PRDM16: variants seen among roughly 807,000 people sequenced by gnomAD.
PRDM16 encodes the protein histone-lysine N-methyltransferase PRDM16.
PRDM16 carries 23 observed loss-of-function variants against 110.6 expected under a neutral mutation model. The ratio of observed to expected loss-of-function variants is 0.21; its 90% CI spans 0.15 to 0.29. The LOEUF (loss-of-function observed/expected upper bound fraction) is 0.29. Ranked by LOEUF, PRDM16 falls within the 10% of genes least tolerant of loss-of-function variation. The pLI, the probability that PRDM16 is intolerant of heterozygous loss-of-function variation, is 1.00. For synonymous variants in PRDM16, 799 were observed against 781.8 expected (o/e 1.02, Z -0.37); for missense variants, 1,615 against 1,794.3 (o/e 0.90, Z 1.81).
At chr1:3,276,909 C>T (rs1245452228) in intron 3 of PRDM16, among the ~76,000 whole-genome samples, 1 of 152,182 alleles carries the variant, frequency 6.6e-6, no homozygotes, top group Non-Finnish European at 1.5e-5. Flanking sequence ...TTCAGCACTT[C>T]CTCCGCCATC....
chr1:3,311,017 G>A (rs943478160), intron 3 of PRDM16, among the ~76,000 whole-genome samples: 2 of 152,112 alleles, frequency 1.3e-5, no homozygotes, highest in African/African-American at 2.4e-5. Flanking sequence ...GTGTGTGAGC[G>A]CCAGCATGGT....
intron 3 of PRDM16, among the ~76,000 whole-genome samples, chr1:3,331,238 G>T (rs1642035150): frequency 6.6e-6 from 1 of 151,998 alleles, no homozygotes; most frequent in African/African-American, 2.4e-5. Flanking sequence ...CTTCTCCACT[G>T]CCCCTTCCCC....
At chr1:3,427,547 G>A (rs955383748) in intron 14 of PRDM16, among the ~76,000 whole-genome samples, 5 of 152,146 alleles carry the variant, frequency 3.3e-5, no homozygotes, top group Admixed American at 6.5e-5. Context: ...CCAGGGCAGG[G>A]CTGCGTCTTC....
rs565285366 is a variant in PRDM16 at position 3,209,575 on chromosome 1, C to T, written c.387+23101C>T. The stretch of plus-strand genomic sequence containing the variant: ...TTCCAAAGGAAGCTCCCTGTGGGTG[C>T]GCGTGGAAGCTGAGCGCCTCAGTGG... On this transcript the variant is annotated intron_variant, in intron 2 of 16. Coordinates refer to ENST00000270722, the MANE Select transcript of PRDM16 (RefSeq NM_022114.4). This position sits in a 1 kb window ranked among gnomAD's most constrained non-coding sequence, Gnocchi z 4.6. Among the ~76,000 whole-genome samples, 29 of 152,326 alleles carry T rather than the reference C, an allele frequency of 1.9e-4. No homozygotes were observed. The highest frequency in any genetic ancestry group is 3.4e-3 in the Middle Eastern group (1 of 294).
rs767660980 is a variant in PRDM16 at position 3,412,261 on chromosome 1, C to T, written c.2064C>T (p.Ala688=). The T allele has an allele frequency of 1.3e-5, 21 of 1,612,962 alleles. No homozygotes were observed. Among genetic ancestry groups the T allele is most frequent in the African/African-American group, 5.3e-5 (4 of 74,918 alleles). The change falls in exon 9 of 17, where the codon GCC becomes GCT. Residue 688 remains alanine, a synonymous_variant. Transcript: ENST00000270722. ...AGCAGCTGCTGACTGCAACGGGCGC[C>T]GCCGGGGACTCCATCAAGGCCATCG... is the stretch of plus-strand genomic sequence containing the variant. The part of the protein sequence containing the change: ...PDEQLLTATG[A]AGDSIKAIAS...
chr1:3,393,303 C>A (rs895278623), intron 4 of PRDM16, among the ~76,000 whole-genome samples: 22 of 152,342 alleles, frequency 1.4e-4, no homozygotes, highest in Admixed American at 6.5e-5. Context: ...TCCTTTCCGG[C>A]GGCCAGTCGT....
chr1:3,162,632 C>T (rs1416451066), intron 1 of PRDM16, among the ~76,000 whole-genome samples: 4 of 152,196 alleles, frequency 2.6e-5, no homozygotes, highest in Admixed American at 2.0e-4. Context: ...GGATTGACAG[C>T]GGCGAGCCCG....
intron 2 of PRDM16, among the ~76,000 whole-genome samples, chr1:3,219,876 C>T (rs566229145): frequency 6.6e-6 from 1 of 152,222 alleles, no homozygotes; most frequent in Non-Finnish European, 1.5e-5. Flanking sequence ...CCAGCTCCCC[C>T]ACAGGCATGA....
intron 1 of PRDM16, among the ~76,000 whole-genome samples, chr1:3,105,707 A>G (rs1024127755): frequency 2.6e-5 from 4 of 152,214 alleles, no homozygotes; most frequent in African/African-American, 9.6e-5. Flanking sequence ...CAGTAATTAC[A>G]TTCCTAACTC....
intron 1 of PRDM16, among the ~76,000 whole-genome samples, chr1:3,072,990 A>T (rs1641804337): frequency 6.6e-6 from 1 of 152,224 alleles, no homozygotes; most frequent in Non-Finnish European, 1.5e-5. Context: ...CCTTGGGGAC[A>T]GGCACCGGCC....
At chr1:3,402,525 G>A (rs930858163) in intron 5 of PRDM16, among the ~76,000 whole-genome samples, 6 of 152,226 alleles carry the variant, frequency 3.9e-5, no homozygotes, top group African/African-American at 1.4e-4. Flanking sequence ...AGGCAGGGCC[G>A]GGTGTCGCCC....
chr1:3,214,211 T>C (rs544678835), intron 2 of PRDM16, among the ~76,000 whole-genome samples: 7 of 152,318 alleles, frequency 4.6e-5, no homozygotes, highest in South Asian at 4.1e-4. Flanking sequence ...CATTCTCCTA[T>C]TGGACACAAA....
Position 3,143,800 on chromosome 1 carries a change from G to A in PRDM16, c.38-42325G>A, listed in dbSNP as rs996215880. Among the ~76,000 whole-genome samples the A allele has an allele frequency of 1.2e-4, 18 of 152,148 alleles. No individual in the cohort carries two copies. Among genetic ancestry groups the A allele is most frequent in the Admixed American group, 9.2e-4 (14 of 15,282 alleles). ...CTTATTCTTTTTTTCTAAATAGTGA[G>A]GCCCAGAGTGCAGGTGTGTGTCACA... is the stretch of plus-strand genomic sequence containing the variant. On this transcript the variant is annotated intron_variant, in intron 1 of 16. Coordinates refer to ENST00000270722, the MANE Select transcript of PRDM16 (RefSeq NM_022114.4). The surrounding 1 kb of genome is among the most constrained non-coding windows in gnomAD (Gnocchi z 4.5).
chr1:3,171,954 G>C (rs1393641129), intron 1 of PRDM16, among the ~76,000 whole-genome samples: 2 of 152,182 alleles, frequency 1.3e-5, no homozygotes, highest in Admixed American at 1.3e-4. Context: ...GCCACCGGGG[G>C]AGCTGCGATC....
At chr1:3,087,216 C>G (rs1642170390) in intron 1 of PRDM16, among the ~76,000 whole-genome samples, 2 of 147,400 alleles carry the variant, frequency 1.4e-5, no homozygotes, top group Non-Finnish European at 3.0e-5. Context: ...CCACCCGAGA[C>G]CAGCCCCACC....
Position 3,430,859 on chromosome 1 carries a change from T to C in PRDM16, c.3285-13T>C. 1 of 1,613,396 alleles carries C rather than the reference T, an allele frequency of 6.2e-7. No individual in the cohort carries two copies. On this transcript the variant is annotated splice_polypyrimidine_tract_variant and intron_variant, in intron 14 of 16. Coordinates refer to ENST00000270722, the MANE Select transcript of PRDM16 (RefSeq NM_022114.4). ...CACCCAAACTCAGTCAATCTCCTCC[T>C]GCATCATTTCAGGGCGGACATGCAG...
chr1:3,242,550 C>T (rs1174638936), intron 2 of PRDM16, among the ~76,000 whole-genome samples: 17 of 152,222 alleles, frequency 1.1e-4, no homozygotes. Flanking sequence ...CTCGGCCCCG[C>T]AGGCAGGTCA....
chr1:3,321,355 TGTGTGTGA>T (rs1641739251), intron 3 of PRDM16, among the ~76,000 whole-genome samples: 1 of 149,604 alleles, frequency 6.7e-6, no homozygotes, highest in South Asian at 2.2e-4. Flanking sequence ...TGTGTGGGTC[TGTGTGTGA>T]CTATGTGCAT....
chr1:3,385,032 G>A (rs954276303), intron 3 of PRDM16, 120 bp from the exon 4 acceptor site: 7 of 1,274,734 alleles, frequency 5.5e-6, no homozygotes, highest in African/African-American at 1.5e-5. Context: ...GCTGAGGTCT[G>A]GACGCCGACT....
Sources: allele counts gnomAD v4.1 joint callset (sites outside exome capture counted in the v4.1 genomes callset), GRCh38; gene constraint gnomAD v4.1.1; non-coding constraint Gnocchi (gnomAD v3.1); transcripts MANE v1.5; gene names NCBI Gene and HGNC (gene_info 2026-07-23, HGNC 2026-07-21).